The following RPS27A variants were observed in gnomAD, a reference collection of about 807,000 sequenced individuals.
RPS27A encodes the protein ribosomal protein S27a.
A neutral mutation model predicts 18.9 loss-of-function variants in RPS27A; 1 was observed. The observed-to-expected ratio is 0.05, with a 90% CI of 0.02 to 0.25. RPS27A has a LOEUF of 0.25. Ranked by LOEUF, RPS27A falls within the 10% of genes least tolerant of loss-of-function variation. The pLI, the probability that RPS27A is intolerant of heterozygous loss-of-function variation, is 1.00. For synonymous variants in RPS27A, 77 were observed against 63.7 expected (o/e 1.21, Z -0.99); for missense variants, 123 against 187.4 (o/e 0.66, Z 2.01).
intron 5 of RPS27A, 104 bp from the exon 6 acceptor site, chr2:55,235,324 A>C: frequency 7.7e-7 from 1 of 1,293,460 alleles, no homozygotes; most frequent in Non-Finnish European, 1.1e-6. Context: ...AAGCACCAAA[A>C]CCACCAGTAT....
chr2:55,232,821 CA>C lies in RPS27A; in HGVS notation c.1del. ...CCTCAACCTCAGGTGGAGCCGCCAC[CA>C]AAATGCAGATTTTCGTGAAAACCCT... On this transcript the variant is annotated 5_prime_UTR_variant, in exon 2 of 6. Transcript: ENST00000272317. The C allele has an allele frequency of 6.2e-7, 1 of 1,612,568 alleles. No homozygotes were observed. The highest frequency in any genetic ancestry group is 8.5e-7 in the Non-Finnish European group (1 of 1,179,406).
intron 3 of RPS27A, 121 bp from the exon 4 acceptor site, chr2:55,233,998 T>C: frequency 1.3e-6 from 1 of 761,920 alleles, no homozygotes; most frequent in Admixed American, 1.9e-5. Flanking sequence ...GCCTAACCTC[T>C]AGTAAGGGCT....
At chr2:55,234,344 C>G in intron 4 of RPS27A, 140 bp downstream of exon 4, 1 of 692,170 alleles carries the variant, frequency 1.4e-6, no homozygotes. Flanking sequence ...CTCCACCTCT[C>G]AGACTCAGGT....
At chr2:55,233,445 C>T (rs1675602944) in intron 3 of RPS27A, 28 bp downstream of exon 3, 12 of 1,578,828 alleles carry the variant, frequency 7.6e-6, no homozygotes, top group Non-Finnish European at 1.0e-5. Flanking sequence ...GTTAAGAAAA[C>T]TTAACCTGCG....
Position 55,235,679 on chromosome 2 carries a change from C to G in RPS27A, c.*102C>G. 1.5e-6 allele frequency: 2 copies of G among 1,308,792 alleles called. No individual in the cohort carries two copies. Among genetic ancestry groups the G allele is most frequent in the Non-Finnish European group, 2.2e-6 (2 of 919,072 alleles). The allele number at this position is 1,308,792 out of a possible 1,614,324, so 81.1% of individuals were successfully genotyped here. On this transcript the variant is annotated 3_prime_UTR_variant, in exon 6 of 6. Transcript: ENST00000272317. ...ACCAAATTGATGGTCACACCATTTCCTTTTAGTAGTGCTACTGCTATCGCT... is the reference window on the plus strand; with the variant it reads ...ACCAAATTGATGGTCACACCATTTCGTTTTAGTAGTGCTACTGCTATCGCT...
rs1190201104 is a variant in RPS27A, at chr2:55,235,764, C to CA, written c.*189dup. 6.1e-6 allele frequency: 4 copies of CA among 654,404 alleles called. No individual in the cohort carries two copies. In the Admixed American group the frequency reaches 9.8e-5, roughly 16 times the overall value. The allele number at this position is 654,404 out of a possible 1,614,324, so 40.5% of individuals were successfully genotyped here. A position where few individuals can be genotyped will look rare whatever the true frequency, so the allele number is the denominator to read the frequency against. ...GTGGTTCTGTATACCTGCCAGGTGC[C>CA]AACCACTTGTAAAGGTCTTGATATT... On this transcript the variant is annotated 3_prime_UTR_variant, in exon 6 of 6. Coordinates refer to ENST00000272317, the MANE Select transcript of RPS27A (RefSeq NM_002954.6).
Position 55,232,949 on chromosome 2 carries a change from C to T in RPS27A, c.48+77C>T, listed in dbSNP as rs183844234. On this transcript the variant is annotated intron_variant, in intron 2 of 5. Transcript: ENST00000272317. Reference sequence around the variant, plus strand: ...TGGATTTTAGGACCGGCGCTGCTTTCCATGTCTTAGACCATGATTCCGAAT... The same window carrying T: ...TGGATTTTAGGACCGGCGCTGCTTTTCATGTCTTAGACCATGATTCCGAAT... The T allele has an allele frequency of 3.8e-5, 45 of 1,190,236 alleles. No individual in the cohort carries two copies. In the African/African-American group the frequency reaches 5.2e-4, roughly 14 times the overall value. The allele number at this position is 1,190,236 out of a possible 1,614,324, so 73.7% of individuals were successfully genotyped here.
chr2:55,234,039 T>C, intron 3 of RPS27A, 80 bp from the exon 4 acceptor site: 1 of 891,732 alleles, frequency 1.1e-6, no homozygotes. Flanking sequence ...ATGTATTTGA[T>C]TAAGGGGTGT....
rs1395638259 is a variant in RPS27A at position 55,233,293 on chromosome 2, G to C, written c.49-70G>C. The C allele has an allele frequency of 2.3e-6, 3 of 1,318,098 alleles. No individual in the cohort carries two copies. In the African/African-American group the frequency reaches 4.4e-5, roughly 19 times the overall value. 81.7% of individuals were successfully genotyped at this position (1,318,098 alleles called of 1,614,324 possible). A position where few individuals can be genotyped will look rare whatever the true frequency, so the allele number is the denominator to read the frequency against. ...TCGCTGGTTCGGTTCAGTGGTAATT[G>C]TCAAACTAAATGAGTTCTGCTGTAG... is the stretch of plus-strand genomic sequence containing the variant. On this transcript the variant is annotated intron_variant, in intron 2 of 5. Transcript: ENST00000272317.
In RPS27A at chr2:55,234,877, A is replaced by G. The variant is rs1675713085; in HGVS notation, c.236A>G (p.Lys79Arg). 2 of 1,612,804 alleles carry G rather than the reference A, an allele frequency of 1.2e-6. No individual in the cohort carries two copies. The highest frequency in any genetic ancestry group is 1.7e-5 in the Admixed American group (1 of 59,996). Residue 79 changes from lysine (K) to arginine (R), a missense_variant, in exon 5 of 6, where the codon AAA (lysine) becomes AGA (arginine). Lys to Arg is a conservative substitution (Grantham distance 26). Coordinates refer to ENST00000272317, the MANE Select transcript of RPS27A (RefSeq NM_002954.6). ...LVLRLRGGAK[K>R]RKKKSYTTPK... ...TTGAGACTTCGTGGTGGTGCTAAGAAAAGGAAGAAGAAGTCTTACACCACT... is the reference window on the plus strand; with the variant it reads ...TTGAGACTTCGTGGTGGTGCTAAGAGAAGGAAGAAGAAGTCTTACACCACT...
chr2:55,233,213 T>C (rs1333490605), intron 2 of RPS27A, 150 bp from the exon 3 acceptor site: 3 of 752,122 alleles, frequency 4.0e-6, no homozygotes, highest in Non-Finnish European at 7.1e-6. Flanking sequence ...GGTAGCCGAC[T>C]TGGGAGGTTG....
upstream of RPS27A, chr2:55,232,477 G>A (rs1675512257): frequency 5.4e-6 from 2 of 371,662 alleles, no homozygotes; most frequent in South Asian, 5.4e-5. Flanking sequence ...CATCTTTTAC[G>A]TTGCTTAAAC....
At position 55,233,016 on chromosome 2, in the gene RPS27A, T is replaced by C. The variant is rs971721217; in HGVS notation, c.48+144T>C. ...AAGCTTTGAAATGAGTACCTTTTGC[T>C]GAGCAACGACCTAGAGGTGATTTTC... On this transcript the variant is annotated intron_variant, in intron 2 of 5. Coordinates refer to ENST00000272317, the MANE Select transcript of RPS27A (RefSeq NM_002954.6). The C allele has an allele frequency of 1.7e-5, 13 of 766,714 alleles. No homozygotes were observed. In the African/African-American group the frequency reaches 2.1e-4, roughly 12 times the overall value. The allele number at this position is 766,714 out of a possible 1,614,324, so 47.5% of individuals were successfully genotyped here.
At chr2:55,233,956 G>A (rs1675654233) in intron 3 of RPS27A, 163 bp from the exon 4 acceptor site, 2 of 683,978 alleles carry the variant, frequency 2.9e-6, no homozygotes, top group Admixed American at 2.2e-5. Flanking sequence ...ATTAAATGCG[G>A]TAAAATGTGA....
chr2:55,233,098 C>T (rs576847580), intron 2 of RPS27A: 29 of 642,390 alleles, frequency 4.5e-5, no homozygotes, highest in African/African-American at 4.0e-4. Context: ...TTAGTTAAAA[C>T]GGAGGAGCTG....
chr2:55,233,558 A>G, intron 3 of RPS27A, 141 bp downstream of exon 3: 1 of 702,520 alleles, frequency 1.4e-6, no homozygotes. Context: ...CACAATAGAC[A>G]TTGGTGATCG....
upstream of RPS27A, chr2:55,232,166 C>G: frequency 6.3e-6 from 1 of 158,246 alleles, no homozygotes. Flanking sequence ...AACATTTGCT[C>G]TAGTCACTTC....
intron 2 of RPS27A, 190 bp from the exon 3 acceptor site, chr2:55,233,173 C>T: frequency 3.0e-6 from 2 of 674,416 alleles, no homozygotes; most frequent in East Asian, 2.7e-5. Context: ...CCGCCGCCCG[C>T]TCTGGGCTGG....
intron 4 of RPS27A, 64 bp from the exon 5 acceptor site, chr2:55,234,767 A>G: frequency 3.8e-6 from 6 of 1,592,836 alleles, no homozygotes; most frequent in Non-Finnish European, 5.2e-6. Flanking sequence ...TAGAAAATGC[A>G]TAATGTTGGG....
Sources: allele counts gnomAD v4.1 joint callset, GRCh38; gene constraint gnomAD v4.1.1; transcripts MANE v1.5; gene names NCBI Gene and HGNC (gene_info 2026-07-23, HGNC 2026-07-21).